The following PTGFR variants were observed in gnomAD, a reference collection of about 807,000 sequenced individuals.
The protein encoded by PTGFR is prostaglandin F receptor.
Under a neutral mutation model 26.2 loss-of-function variants are expected in PTGFR, and 15 were observed. The observed-to-expected ratio is 0.57, with a 90% CI of 0.38 to 0.88. PTGFR has a LOEUF of 0.88. Ranked by LOEUF, PTGFR falls within the 40% of genes least tolerant of loss-of-function variation. The probability of loss-of-function intolerance (pLI) is 0.00; values close to 1 mark genes in which losing one functional copy is unlikely to be tolerated. For synonymous variants in PTGFR, 165 were observed against 151.1 expected (o/e 1.09, Z -0.68); for missense variants, 369 against 427.2 (o/e 0.86, Z 1.20).
intron 2 of PTGFR, 101 bp from the exon 3 acceptor site, chr1:78,536,303 CTG>C: frequency 9.0e-7 from 1 of 1,114,752 alleles, no homozygotes; most frequent in South Asian, 1.6e-5. Context: ...TAGCATCACT[CTG>C]TGGAAAGTGA....
At chr1:78,491,501 C>A (rs891050857) in intron 1 of PTGFR, among the ~76,000 whole-genome samples, 1 of 152,222 alleles carries the variant, frequency 6.6e-6, no homozygotes, top group African/African-American at 2.4e-5. Flanking sequence ...CGCTTCTCGC[C>A]GTTGCGGGGT....
chr1:78,503,775 A>G (rs1204320124), intron 2 of PTGFR, among the ~76,000 whole-genome samples: 1 of 152,212 alleles, frequency 6.6e-6, no homozygotes, highest in Non-Finnish European at 1.5e-5. Context: ...GTAATGGCTT[A>G]GTAATACTGA....
At chr1:78,528,697 A>G (rs1650434327) in intron 2 of PTGFR, among the ~76,000 whole-genome samples, 1 of 152,114 alleles carries the variant, frequency 6.6e-6, no homozygotes, top group Admixed American at 6.6e-5. Flanking sequence ...ACTCCCATCA[A>G]ATAAAATAGA....
rs148609485 is a variant in PTGFR at position 78,521,042 on chromosome 1, C to T, written c.799-15364C>T. On this transcript the variant is annotated intron_variant, in intron 2 of 2. Transcript: ENST00000370757. ...TCAGGTAGGATAGTACAGCCACATG[C>T]GGGCTGCCTAGGCTGGCTCCTCTCT... Among the ~76,000 whole-genome samples, 1,386 of 152,154 alleles carry T rather than the reference C, an allele frequency of 9.1e-3. 12 individuals are homozygous for T. The highest frequency in any genetic ancestry group is 0.011 in the Non-Finnish European group (724 of 67,984).
At chr1:78,514,343 G>A (rs1289117737) in intron 2 of PTGFR, among the ~76,000 whole-genome samples, 1 of 152,222 alleles carries the variant, frequency 6.6e-6, no homozygotes, top group African/African-American at 2.4e-5. Flanking sequence ...AGGATGTGGA[G>A]TTAAGGGAGA....
chr1:78,506,130 C>T (rs1011888281), intron 2 of PTGFR, among the ~76,000 whole-genome samples: 1 of 152,186 alleles, frequency 6.6e-6, no homozygotes, highest in African/African-American at 2.4e-5. Flanking sequence ...AGCAGCTGCA[C>T]CATTTTCCAT....
At chr1:78,506,313 G>A (rs1337899952) in intron 2 of PTGFR, among the ~76,000 whole-genome samples, 2 of 151,736 alleles carry the variant, frequency 1.3e-5, no homozygotes, top group Non-Finnish European at 2.9e-5. Flanking sequence ...TAATGTGCTT[G>A]TTGGCTATTT....
chr1:78,526,474 C>T (rs1570295119), intron 2 of PTGFR, among the ~76,000 whole-genome samples: 1 of 152,166 alleles, frequency 6.6e-6, no homozygotes, highest in East Asian at 1.9e-4. Context: ...ACAGTTTTAA[C>T]ACCATAGCCA....
chr1:78,511,430 G>A (rs568863372), intron 2 of PTGFR, among the ~76,000 whole-genome samples: 1 of 152,208 alleles, frequency 6.6e-6, no homozygotes, highest in Non-Finnish European at 1.5e-5. Flanking sequence ...GCCCTCAGGA[G>A]TGGTGGCAGG....
intron 2 of PTGFR, among the ~76,000 whole-genome samples, chr1:78,504,155 G>A (rs768979935): frequency 6.6e-6 from 1 of 151,864 alleles, no homozygotes; most frequent in African/African-American, 2.4e-5. Context: ...TATTCCCCAA[G>A]CTATTTGAAA....
At chr1:78,498,821 T>C (rs972230207) in intron 2 of PTGFR, among the ~76,000 whole-genome samples, 1 of 152,186 alleles carries the variant, frequency 6.6e-6, no homozygotes, top group Non-Finnish European at 1.5e-5. Flanking sequence ...GGCAATATTT[T>C]CATAAATCAT....
intron 2 of PTGFR, among the ~76,000 whole-genome samples, chr1:78,505,094 T>C (rs1649796669): frequency 6.6e-6 from 1 of 151,942 alleles, no homozygotes; most frequent in Admixed American, 6.6e-5. Flanking sequence ...ATTAGTTGCA[T>C]TAGTTTTATA....
Position 78,493,109 on chromosome 1 carries a change from ACTT to A in PTGFR, c.372_374del (p.Leu125del). The A allele has an allele frequency of 4.3e-6, 7 of 1,614,186 alleles. No individual in the cohort carries two copies. Among genetic ancestry groups the A allele is most frequent in the Non-Finnish European group, 5.9e-6 (7 of 1,180,032 alleles). On this transcript the variant is annotated inframe_deletion, in exon 2 of 3. Transcript: ENST00000370757. ...GCATGGTGTTTTCTGGTCTGTGCCC[ACTT>A]CTTCTAGGCAGTGTGATGGCCATTG...
At chr1:78,501,435 T>G (rs905465029) in intron 2 of PTGFR, among the ~76,000 whole-genome samples, 3 of 152,226 alleles carry the variant, frequency 2.0e-5, no homozygotes, top group African/African-American at 7.2e-5. Context: ...TAAATATACC[T>G]TTCAGAGCTT....
rs945282779 is a variant in PTGFR at position 78,539,122 on chromosome 1, A to C, written c.*2435A>C. The C allele has an allele frequency of 2.0e-5, 3 of 151,944 alleles. No homozygotes were observed. The highest frequency in any genetic ancestry group is 7.2e-5 in the African/African-American group (3 of 41,414). The allele number at this position is 151,944 out of a possible 1,614,324, so 9.4% of individuals were successfully genotyped here. A position where few individuals can be genotyped will look rare whatever the true frequency, so the allele number is the denominator to read the frequency against. On this transcript the variant is annotated 3_prime_UTR_variant, in exon 3 of 3. Transcript: ENST00000370757. ...GTCCAAAACATCAGACCTTTTACTG[A>C]TGGGTTAACTAGGTGAAAGAAATGG...
intron 2 of PTGFR, among the ~76,000 whole-genome samples, chr1:78,526,137 A>G (rs1650368322): frequency 6.6e-6 from 1 of 152,108 alleles, no homozygotes; most frequent in Admixed American, 6.6e-5. Context: ...CATTGCAAGA[A>G]TTATACACAA....
chr1:78,533,349 A>G (rs1360497159), intron 2 of PTGFR, among the ~76,000 whole-genome samples: 1 of 152,206 alleles, frequency 6.6e-6, no homozygotes, highest in Non-Finnish European at 1.5e-5. Flanking sequence ...TTCTTCTCAC[A>G]TACTTAATAA....
intron 2 of PTGFR, among the ~76,000 whole-genome samples, chr1:78,519,135 C>T (rs938935096): frequency 6.6e-6 from 1 of 152,226 alleles, no homozygotes; most frequent in African/African-American, 2.4e-5. Context: ...TAAGCATCTT[C>T]ATCAGTGGCT....
At chr1:78,501,130 T>C (rs1649694898) in intron 2 of PTGFR, among the ~76,000 whole-genome samples, 1 of 152,174 alleles carries the variant, frequency 6.6e-6, no homozygotes, top group Non-Finnish European at 1.5e-5. Context: ...ATTAAATTTA[T>C]ACCCTCAAGG....
Sources: allele counts gnomAD v4.1 joint callset (sites outside exome capture counted in the v4.1 genomes callset), GRCh38; gene constraint gnomAD v4.1.1; transcripts MANE v1.5; gene names NCBI Gene and HGNC (gene_info 2026-07-23, HGNC 2026-07-21).